The following IQCM variants were observed in gnomAD, a reference collection of about 807,000 sequenced individuals.
The protein encoded by IQCM is IQ motif containing M.
In IQCM, 45 loss-of-function variants were observed where a neutral mutation model predicts 57.6. The observed-to-expected ratio is 0.78, with a 90% confidence interval of 0.62 to 1.00. The LOEUF (loss-of-function observed/expected upper bound fraction) is 1.00, where lower values mean the gene tolerates loss of function less well. Ranked by LOEUF, IQCM falls within the 50% of genes least tolerant of loss-of-function variation. The pLI is 0.00. For synonymous variants in IQCM, 148 were observed against 158.9 expected (o/e 0.93, Z 0.51); for missense variants, 468 against 511.6 (o/e 0.91, Z 0.82).
At chr4:149,707,205 G>A (rs1764224256) in intron 5 of IQCM, among the ~76,000 whole-genome samples, 1 of 152,046 alleles carries the variant, frequency 6.6e-6, no homozygotes, top group Admixed American at 6.6e-5. Flanking sequence ...ATTAGGCTAT[G>A]AACTAAGAAT....
intron 13 of IQCM, among the ~76,000 whole-genome samples, chr4:149,412,066 TTG>T (rs35663253): frequency 0.48 from 71,324 of 148,590 alleles, 17,110 homozygotes; most frequent in East Asian, 0.52. Flanking sequence ...GTGTGTGTGT[TTG>T]TGTGTGTGTG....
intron 7 of IQCM, among the ~76,000 whole-genome samples, chr4:149,674,593 A>G (rs949574323): frequency 2.0e-5 from 3 of 152,130 alleles, no homozygotes; most frequent in African/African-American, 7.2e-5. Flanking sequence ...GCGAAGCATG[A>G]AAAGAGTGAT....
At chr4:149,393,778 T>C (rs1421259224) in intron 13 of IQCM, among the ~76,000 whole-genome samples, 1 of 151,884 alleles carries the variant, frequency 6.6e-6, no homozygotes, top group Non-Finnish European at 1.5e-5. Flanking sequence ...AGAATAGAGA[T>C]AATTTTAGAA....
chr4:149,360,857 C>T (rs191533493), intron 13 of IQCM, among the ~76,000 whole-genome samples: 1 of 152,166 alleles, frequency 6.6e-6, no homozygotes, highest in East Asian at 1.9e-4. Flanking sequence ...AAAAGATACC[C>T]GAAAATGTGG....
chr4:149,581,423 T>C (rs1040244109), intron 9 of IQCM, among the ~76,000 whole-genome samples: 2 of 151,630 alleles, frequency 1.3e-5, no homozygotes, highest in African/African-American at 4.8e-5. Flanking sequence ...CAGGTCTATC[T>C]CCCTTCTATG....
chr4:149,396,756 T>C (rs1054890373), intron 13 of IQCM, among the ~76,000 whole-genome samples: 33 of 152,048 alleles, frequency 2.2e-4, no homozygotes, highest in Admixed American at 2.2e-3. Context: ...TTCCACTCTT[T>C]GATTCTCTTG....
intron 13 of IQCM, among the ~76,000 whole-genome samples, chr4:149,398,719 T>A (rs779632396): frequency 6.6e-6 from 1 of 151,678 alleles, no homozygotes; most frequent in Non-Finnish European, 1.5e-5. Context: ...TATTATTATT[T>A]TTTTTGAGAC....
At chr4:149,580,034 C>T (rs1329258332) in intron 9 of IQCM, among the ~76,000 whole-genome samples, 1 of 151,720 alleles carries the variant, frequency 6.6e-6, no homozygotes, top group Non-Finnish European at 1.5e-5. Context: ...ATCAGTATCA[C>T]CTGAGAGTTT....
intron 5 of IQCM, among the ~76,000 whole-genome samples, chr4:149,707,524 G>A (rs1359305175): frequency 6.6e-6 from 1 of 151,890 alleles, no homozygotes; most frequent in Non-Finnish European, 1.5e-5. Flanking sequence ...GCATCCTTGA[G>A]GAATGAAGTA....
rs183453559 is a variant in IQCM at position 149,537,600 on chromosome 4, C to T, written c.1228+10855G>A. Among the ~76,000 whole-genome samples the T allele has an allele frequency of 2.2e-4, 33 of 151,784 alleles. No individual in the cohort carries two copies. The East Asian group carries it at 5.6e-3, about 26-fold the overall frequency. On this transcript the variant is annotated intron_variant, in intron 12 of 13. Coordinates refer to ENST00000636793, the MANE Select transcript of IQCM (RefSeq NM_001363507.2). ...GATGAAAAACATTAATCTAAAAGTC[C>T]AAGAAGTTCAATGAACCCCAAGTAT...
intron 13 of IQCM, among the ~76,000 whole-genome samples, chr4:149,422,637 AG>A (rs1485947920): frequency 6.6e-6 from 1 of 151,960 alleles, no homozygotes; most frequent in African/African-American, 2.4e-5. Flanking sequence ...GTGTGCATGA[AG>A]GGGGTGGAGT....
intron 12 of IQCM, among the ~76,000 whole-genome samples, chr4:149,471,875 T>C (rs778863910): frequency 6.6e-6 from 1 of 152,136 alleles, no homozygotes; most frequent in Non-Finnish European, 1.5e-5. Flanking sequence ...AAAAACCACA[T>C]GATGATCTCA....
intron 12 of IQCM, among the ~76,000 whole-genome samples, chr4:149,475,535 T>C (rs915774502): frequency 2.0e-5 from 3 of 152,010 alleles, no homozygotes; most frequent in African/African-American, 7.2e-5. Flanking sequence ...ATATAAATGA[T>C]ATTTAGAGCC....
At chr4:149,713,006 T>C (rs2149835611) in intron 5 of IQCM, among the ~76,000 whole-genome samples, 1 of 152,316 alleles carries the variant, frequency 6.6e-6, no homozygotes, top group African/African-American at 2.4e-5. Flanking sequence ...ATAGTAATGT[T>C]CACTAGCAAA....
intron 9 of IQCM, among the ~76,000 whole-genome samples, chr4:149,567,807 T>C (rs1325766614): frequency 6.6e-6 from 1 of 152,188 alleles, no homozygotes; most frequent in Non-Finnish European, 1.5e-5. Context: ...CTTGTGTGGT[T>C]GTTATACAAA....
At chr4:149,708,464 C>T (rs756859673) in intron 5 of IQCM, among the ~76,000 whole-genome samples, 5 of 150,688 alleles carry the variant, frequency 3.3e-5, no homozygotes, top group Admixed American at 6.6e-5. Context: ...GACAAGTATA[C>T]CAATAAAAAA....
chr4:149,530,257 T>C (rs866355007), intron 12 of IQCM, among the ~76,000 whole-genome samples: 22 of 152,218 alleles, frequency 1.4e-4, no homozygotes, highest in African/African-American at 5.3e-4. Flanking sequence ...ACACATAAAA[T>C]ATATAAAATT....
At chr4:149,388,764 CATAT>C (rs922363667) in intron 13 of IQCM, among the ~76,000 whole-genome samples, 21 of 142,870 alleles carry the variant, frequency 1.5e-4, no homozygotes, top group African/African-American at 5.1e-4. Flanking sequence ...ATATATATGA[CATAT>C]ATATATACAC....
chr4:149,564,285 C>T (rs1750403987), intron 9 of IQCM, among the ~76,000 whole-genome samples: 1 of 152,288 alleles, frequency 6.6e-6, no homozygotes, highest in South Asian at 2.1e-4. Context: ...TGCTGTTAAC[C>T]AAACGTCATC....
Sources: allele counts gnomAD v4.1 joint callset (sites outside exome capture counted in the v4.1 genomes callset), GRCh38; gene constraint gnomAD v4.1.1; transcripts MANE v1.5; gene names NCBI Gene and HGNC (gene_info 2026-07-23, HGNC 2026-07-21).